Variants in MGMT observed in about 807,000 individuals in gnomAD.
MGMT encodes the protein O-6-methylguanine-DNA methyltransferase.
MGMT carries 14 observed loss-of-function variants against 15.9 expected under a neutral mutation model. That is an observed-to-expected ratio of 0.88 (90% CI 0.58 to 1.37). The LOEUF (loss-of-function observed/expected upper bound fraction) is 1.37, where lower values mean the gene tolerates loss of function less well. Ranked by LOEUF, MGMT falls within the 40% of genes most tolerant of loss-of-function variation. The pLI is 0.00. For missense variants in MGMT, 282 were observed against 268.1 expected, an observed-to-expected ratio of 1.05 and a Z score of -0.36; for synonymous variants, 130 against 118.2, an observed-to-expected ratio of 1.10 and a Z score of -0.65.
chr10:129,578,077 T>C (rs1267344004), intron 2 of MGMT, among the ~76,000 whole-genome samples: 2 of 152,354 alleles, frequency 1.3e-5, no homozygotes, highest in East Asian at 3.9e-4. Flanking sequence ...ACTTTAATAC[T>C]GTTGGTGGGA....
At chr10:129,528,516 C>CG (rs1299736529) in intron 1 of MGMT, among the ~76,000 whole-genome samples, 1 of 127,086 alleles carries the variant, frequency 7.9e-6, no homozygotes, top group Non-Finnish European at 1.6e-5. Context: ...GGGGCAGTGG[C>CG]GGGGGGAGCG....
intron 2 of MGMT, among the ~76,000 whole-genome samples, chr10:129,575,327 AAACT>A (rs1309108711): frequency 6.6e-6 from 1 of 152,190 alleles, no homozygotes; most frequent in Non-Finnish European, 1.5e-5. Flanking sequence ...AAATTGTAAC[AAACT>A]GTCTCTCAGA....
At chr10:129,538,373 A>G (rs147372673) in intron 2 of MGMT, among the ~76,000 whole-genome samples, 391 of 152,264 alleles carry the variant, frequency 2.6e-3, no homozygotes, top group Non-Finnish European at 3.6e-3. Flanking sequence ...TGGATGGCAA[A>G]TGTATGTTTA....
intron 2 of MGMT, among the ~76,000 whole-genome samples, chr10:129,693,210 C>T (rs577381609): frequency 8.1e-4 from 124 of 152,260 alleles, no homozygotes; most frequent in Non-Finnish European, 1.5e-3. Context: ...GATTTCCAGG[C>T]GTCAGTGGGG....
intron 1 of MGMT, among the ~76,000 whole-genome samples, chr10:129,487,850 G>T (rs1845424369): frequency 6.6e-6 from 1 of 151,702 alleles, no homozygotes; most frequent in Admixed American, 6.6e-5. Flanking sequence ...TCTTATGTGT[G>T]TGTTTTAAGT....
chr10:129,662,810 A>G (rs1228015053), intron 2 of MGMT, among the ~76,000 whole-genome samples: 1 of 152,188 alleles, frequency 6.6e-6, no homozygotes. Flanking sequence ...ATCAGGCTAA[A>G]AAGGCATTAT....
intron 1 of MGMT, among the ~76,000 whole-genome samples, chr10:129,516,392 C>T (rs939476402): frequency 2.0e-5 from 3 of 152,048 alleles, no homozygotes; most frequent in South Asian, 2.1e-4. Context: ...TTAGTGGGGC[C>T]GGGGGCGTGC....
chr10:129,523,532 G>A (rs890515372), intron 1 of MGMT, among the ~76,000 whole-genome samples: 5 of 152,268 alleles, frequency 3.3e-5, no homozygotes, highest in South Asian at 2.1e-4. Flanking sequence ...GGCGGGTCTC[G>A]AAGCCCATGC....
At chr10:129,757,351 T>G (rs1364556922) in intron 3 of MGMT, among the ~76,000 whole-genome samples, 2 of 152,222 alleles carry the variant, frequency 1.3e-5, no homozygotes, top group African/African-American at 4.8e-5. Context: ...CTTGGAACCA[T>G]GCCATTGTTT....
chr10:129,637,529 C>T (rs1472630093), intron 2 of MGMT, among the ~76,000 whole-genome samples: 2 of 152,176 alleles, frequency 1.3e-5, no homozygotes, highest in Non-Finnish European at 2.9e-5. Context: ...AAGAGATCTG[C>T]CTAGGGGGCA....
At chr10:129,565,112 G>C (rs1846338762) in intron 2 of MGMT, among the ~76,000 whole-genome samples, 2 of 152,238 alleles carry the variant, frequency 1.3e-5, no homozygotes, top group Non-Finnish European at 2.9e-5. Flanking sequence ...CGTGTAGCCT[G>C]CCCGGCGGGG....
At chr10:129,647,670 A>G (rs1460448293) in intron 2 of MGMT, among the ~76,000 whole-genome samples, 1 of 152,168 alleles carries the variant, frequency 6.6e-6, no homozygotes, top group Non-Finnish European at 1.5e-5. Context: ...ATCTCCCTTT[A>G]TAGGGTCTGA....
intron 2 of MGMT, among the ~76,000 whole-genome samples, chr10:129,621,480 G>T (rs76291856): frequency 6.6e-6 from 1 of 152,154 alleles, no homozygotes; most frequent in Admixed American, 6.5e-5. Flanking sequence ...TTGAAAGGGC[G>T]CAGGGGGGTT....
intron 2 of MGMT, among the ~76,000 whole-genome samples, chr10:129,608,096 A>G (rs1289035038): frequency 6.6e-6 from 1 of 152,256 alleles, no homozygotes; most frequent in East Asian, 1.9e-4. Flanking sequence ...TTGTATCAGC[A>G]TCCAAAACGA....
intron 2 of MGMT, among the ~76,000 whole-genome samples, chr10:129,635,992 T>A (rs185774549): frequency 7.9e-4 from 121 of 152,362 alleles, no homozygotes; most frequent in African/African-American, 2.7e-3. Context: ...ATATTTTTAG[T>A]TTAAAATATG....
At chr10:129,515,903 C>T (rs553393431) in intron 1 of MGMT, among the ~76,000 whole-genome samples, 10 of 152,308 alleles carry the variant, frequency 6.6e-5, no homozygotes, top group Admixed American at 5.9e-4. Context: ...GCAAAACAGT[C>T]TTTCTGTGAA....
rs910080669 is a variant in MGMT, at chr10:129,571,463, C to T, written c.125+35086C>T. Among the ~76,000 whole-genome samples the T allele has an allele frequency of 2.6e-5, 4 of 152,186 alleles. 1 individual carries two copies. Among genetic ancestry groups the T allele is most frequent in the Admixed American group, 1.3e-4 (2 of 15,276 alleles). ...AAAATGTTATACGTTTTGTTTACAA[C>T]GTATGGCTGCTGTTTGAAGTATTGT... is the stretch of plus-strand genomic sequence containing the variant. On this transcript the variant is annotated intron_variant, in intron 2 of 4. Transcript: ENST00000651593.
intron 3 of MGMT, among the ~76,000 whole-genome samples, chr10:129,748,482 G>T (rs1201532855): frequency 6.6e-6 from 1 of 152,102 alleles, no homozygotes; most frequent in Admixed American, 6.5e-5. Flanking sequence ...GGCTCATCTT[G>T]TGTATTTCCT....
At chr10:129,749,886 T>G (rs529183968) in intron 3 of MGMT, among the ~76,000 whole-genome samples, 1 of 152,154 alleles carries the variant, frequency 6.6e-6, no homozygotes, top group Non-Finnish European at 1.5e-5. Context: ...TAAATATCTT[T>G]CCTTGTGCTT....
Sources: allele counts gnomAD v4.1 joint callset (sites outside exome capture counted in the v4.1 genomes callset), GRCh38; gene constraint gnomAD v4.1.1; transcripts MANE v1.5; gene names NCBI Gene and HGNC (gene_info 2026-07-23, HGNC 2026-07-21).